PTPRG: variants seen among roughly 807,000 people sequenced by gnomAD.
PTPRG encodes receptor-type tyrosine-protein phosphatase gamma.
In PTPRG, 102 loss-of-function variants were observed where a neutral mutation model predicts 165.3. The observed-to-expected ratio is 0.62, with a 90% CI of 0.53 to 0.73. The LOEUF is 0.73. Among genes scored for constraint, PTPRG ranks in the 30% least tolerant of loss-of-function variants. The probability of loss-of-function intolerance (pLI) is 0.00; values close to 1 mark genes in which losing one functional copy is unlikely to be tolerated. For synonymous variants in PTPRG, 675 were observed against 669.5 expected (o/e 1.01, Z -0.13); for missense variants, 1,866 against 1,861.4 (o/e 1.00, Z -0.05).
chr3:62,152,161 T>G (rs1704359773), intron 6 of PTPRG, among the ~76,000 whole-genome samples: 1 of 151,880 alleles, frequency 6.6e-6, no homozygotes, highest in Admixed American at 6.6e-5. Context: ...AGGCCAGAAG[T>G]TTGGGACCAG....
intron 3 of PTPRG, among the ~76,000 whole-genome samples, chr3:62,000,391 C>G (rs1373860970): frequency 2.6e-5 from 4 of 151,674 alleles, no homozygotes; most frequent in Non-Finnish European, 5.9e-5. Context: ...TGCCAGATTA[C>G]AGAGAACTTA....
rs79403155 is a variant in PTPRG at position 61,847,162 on chromosome 3, C to T, written c.190+98180C>T. Among the ~76,000 whole-genome samples, 74 of 152,082 alleles carry T rather than the reference C, an allele frequency of 4.9e-4. 1 individual carries two copies. The East Asian group carries it at 7.0e-3, about 14-fold the overall frequency. ...CAGATATAATGAGTTAAGATGATGC[C>T]ATACGGGAGTAGAATGGGCACCTAA... On this transcript the variant is annotated intron_variant, in intron 2 of 29. Transcript: ENST00000474889.
intron 9 of PTPRG, among the ~76,000 whole-genome samples, chr3:62,192,393 C>CTTTTTTTTTTTTTTT (rs71123255): frequency 3.8e-5 from 2 of 52,616 alleles, no homozygotes; most frequent in African/African-American, 6.1e-5. Context: ...CAACTACTGT[C>CTTTTTTTTTTTTTTT]TTTTTTTTTT....
chr3:61,722,963 C>G (rs1390329120), intron 1 of PTPRG, among the ~76,000 whole-genome samples: 1 of 151,140 alleles, frequency 6.6e-6, no homozygotes, highest in South Asian at 2.1e-4. Context: ...AATTATTTGT[C>G]GAGTGGGTTT....
At chr3:61,807,386 G>C (rs974778858) in intron 2 of PTPRG, among the ~76,000 whole-genome samples, 4 of 152,182 alleles carry the variant, frequency 2.6e-5, no homozygotes, top group African/African-American at 7.2e-5. Context: ...CTCTGGGCCA[G>C]CGTATATGGT....
intron 28 of PTPRG, among the ~76,000 whole-genome samples, chr3:62,290,576 T>C (rs1188101698): frequency 3.3e-5 from 5 of 151,976 alleles, no homozygotes; most frequent in African/African-American, 9.7e-5. Flanking sequence ...GTACAAAAAA[T>C]AGACAAACAG....
intron 2 of PTPRG, among the ~76,000 whole-genome samples, chr3:61,969,199 A>T (rs897606058): frequency 6.6e-6 from 1 of 152,210 alleles, no homozygotes; most frequent in African/African-American, 2.4e-5. Context: ...CAATGGTGAC[A>T]GCAAGAGTGG....
intron 2 of PTPRG, among the ~76,000 whole-genome samples, chr3:61,849,256 C>T (rs1300679754): frequency 6.6e-6 from 1 of 152,196 alleles, no homozygotes; most frequent in East Asian, 1.9e-4. Context: ...CTTCATAAAA[C>T]CATGGCCACA....
chr3:61,589,363 C>T (rs1700510832), intron 1 of PTPRG, among the ~76,000 whole-genome samples: 1 of 152,146 alleles, frequency 6.6e-6, no homozygotes, highest in African/African-American at 2.4e-5. Flanking sequence ...ATGATATGTT[C>T]CAGGTCCTGA....
intron 4 of PTPRG, among the ~76,000 whole-genome samples, chr3:62,045,070 C>T (rs549426706): frequency 1.3e-5 from 2 of 152,198 alleles, no homozygotes; most frequent in South Asian, 4.1e-4. Flanking sequence ...TGAGGGCAGC[C>T]ATTTCATGAA....
At chr3:61,861,803 C>T (rs532586008) in intron 2 of PTPRG, among the ~76,000 whole-genome samples, 10 of 152,106 alleles carry the variant, frequency 6.6e-5, no homozygotes, top group African/African-American at 1.7e-4. Flanking sequence ...TAATGCATGC[C>T]GATGCCCGTG....
intron 1 of PTPRG, among the ~76,000 whole-genome samples, chr3:61,701,864 G>T (rs1315966706): frequency 6.6e-6 from 1 of 152,136 alleles, no homozygotes; most frequent in East Asian, 1.9e-4. Context: ...TACTCAGCCT[G>T]GGTGACAGAG....
In PTPRG at chr3:61,581,816, G is replaced by C. The variant is rs537241080; in HGVS notation, c.85+19444G>C. The stretch of plus-strand genomic sequence containing the variant: ...GTAGAGACAGGATTCCACCACGTTG[G>C]CCAGGCTGGTCTCGAACTCCTGACC... On this transcript the variant is annotated intron_variant, in intron 1 of 29. Coordinates refer to ENST00000474889, the MANE Select transcript of PTPRG (RefSeq NM_002841.4). Among the ~76,000 whole-genome samples, 80 of 151,818 alleles carry C rather than the reference G, an allele frequency of 5.3e-4. 2 individuals carry two copies. In the South Asian group the frequency reaches 0.016, roughly 30 times the overall value.
At chr3:61,990,170 A>T (rs758666534) in intron 3 of PTPRG, among the ~76,000 whole-genome samples, 4 of 152,108 alleles carry the variant, frequency 2.6e-5, no homozygotes, top group Admixed American at 2.0e-4. Context: ...ATTAAAAATT[A>T]AATAATATTA....
At chr3:62,194,510 C>T (rs1257293990) in intron 9 of PTPRG, among the ~76,000 whole-genome samples, 1 of 152,150 alleles carries the variant, frequency 6.6e-6, no homozygotes, top group Non-Finnish European at 1.5e-5. Context: ...TACAGCGAGG[C>T]CTTTGAACTG....
chr3:62,060,006 A>G (rs1700755968), intron 4 of PTPRG, among the ~76,000 whole-genome samples: 2 of 152,014 alleles, frequency 1.3e-5, no homozygotes, highest in South Asian at 2.1e-4. Context: ...AGTCTTGGAT[A>G]TGTCTTTATT....
rs544566835 is a variant in PTPRG at position 61,752,729 on chromosome 3, T to C, written c.190+3747T>C. Reference sequence around the variant, plus strand: ...TGAACCTGGGAGGTGGAGGTTGCAGTAAGCTGAAATCGTGCCACTGTATAT... The same window carrying C: ...TGAACCTGGGAGGTGGAGGTTGCAGCAAGCTGAAATCGTGCCACTGTATAT... On this transcript the variant is annotated intron_variant, in intron 2 of 29. Coordinates refer to ENST00000474889, the MANE Select transcript of PTPRG (RefSeq NM_002841.4). Among the ~76,000 whole-genome samples the C allele has an allele frequency of 2.3e-5, 3 of 130,096 alleles. No individual in the cohort carries two copies. In the East Asian group the frequency reaches 7.0e-4, roughly 30 times the overall value. The allele number at this position is 130,096 out of a possible 152,430, so 85.3% of individuals were successfully genotyped here. A position where few individuals can be genotyped will look rare whatever the true frequency, so the allele number is the denominator to read the frequency against.
At position 62,288,961 on chromosome 3, in the gene PTPRG, A is replaced by AAAAT. The variant is rs563901762; in HGVS notation, c.4056-3457_4056-3454dup. Among the ~76,000 whole-genome samples the AAAAT allele has an allele frequency of 2.8e-4, 43 of 152,350 alleles. No homozygotes were observed. In the East Asian group the frequency reaches 8.1e-3, roughly 29 times the overall value. On this transcript the variant is annotated intron_variant, in intron 28 of 29. Coordinates refer to ENST00000474889, the MANE Select transcript of PTPRG (RefSeq NM_002841.4). ...AAATAATACATATTTTAAAAGAAAGAAAATAAGCATTTAAGACTTTATAAC... is the reference window on the plus strand; with the variant it reads ...AAATAATACATATTTTAAAAGAAAGAAAATAAATAAGCATTTAAGACTTTATAAC...
intron 4 of PTPRG, among the ~76,000 whole-genome samples, chr3:62,072,609 A>G (rs538194851): frequency 2.8e-5 from 4 of 141,252 alleles, no homozygotes; most frequent in African/African-American, 8.5e-5. Flanking sequence ...GAGAATATAT[A>G]TGTGTATGTG....
Sources: allele counts gnomAD v4.1 joint callset (sites outside exome capture counted in the v4.1 genomes callset), GRCh38; gene constraint gnomAD v4.1.1; transcripts MANE v1.5; gene names NCBI Gene and HGNC (gene_info 2026-07-23, HGNC 2026-07-21).